GNA12: variants seen among roughly 807,000 people sequenced by gnomAD.
GNA12 encodes G protein subunit alpha 12.
A neutral mutation model predicts 26.0 loss-of-function variants in GNA12; 9 were observed. The ratio of observed to expected loss-of-function variants is 0.35; its 90% CI spans 0.21 to 0.60. The LOEUF is 0.60. Ranked by LOEUF, GNA12 falls within the 20% of genes least tolerant of loss-of-function variation. GNA12 has a pLI of 0.78. For synonymous variants in GNA12, 264 were observed against 219.6 expected (o/e 1.20, Z -1.79); for missense variants, 405 against 525.8 (o/e 0.77, Z 2.25).
intron 2 of GNA12, among the ~76,000 whole-genome samples, chr7:2,794,412 T>G (rs1792599443): frequency 6.6e-6 from 1 of 152,122 alleles, no homozygotes; most frequent in Non-Finnish European, 1.5e-5. Flanking sequence ...CCCCCCAGAT[T>G]TTCTGGTTAT....
intron 2 of GNA12, among the ~76,000 whole-genome samples, chr7:2,792,905 T>C (rs1319484987): frequency 6.6e-6 from 1 of 152,192 alleles, no homozygotes; most frequent in Non-Finnish European, 1.5e-5. Flanking sequence ...CCCTAAGATA[T>C]GTGTTAACAA....
intron 1 of GNA12, among the ~76,000 whole-genome samples, chr7:2,830,821 G>A (rs977405924): frequency 6.6e-6 from 1 of 152,078 alleles, no homozygotes; most frequent in Non-Finnish European, 1.5e-5. Flanking sequence ...GTGCACCTGT[G>A]TCCTAGCTAC....
At chr7:2,833,206 T>G (rs1778731847) in intron 1 of GNA12, among the ~76,000 whole-genome samples, 1 of 152,240 alleles carries the variant, frequency 6.6e-6, no homozygotes, top group South Asian at 2.1e-4. Flanking sequence ...AGCCGGCCTG[T>G]CATCATGGGA....
At chr7:2,788,950 G>T (rs1792435550) in intron 2 of GNA12, among the ~76,000 whole-genome samples, 1 of 151,894 alleles carries the variant, frequency 6.6e-6, no homozygotes, top group Non-Finnish European at 1.5e-5. Context: ...CTCCAGAGTA[G>T]CTGGGATTAC....
At chr7:2,734,652 G>C (rs759871817) in intron 2 of GNA12, among the ~76,000 whole-genome samples, 1 of 152,228 alleles carries the variant, frequency 6.6e-6, no homozygotes, top group Non-Finnish European at 1.5e-5. Context: ...AAGCAGAGAG[G>C]AAGCTCCTTC....
intron 1 of GNA12, chr7:2,814,225 T>C (rs1455119183): frequency 6.5e-6 from 5 of 771,956 alleles, no homozygotes; most frequent in Admixed American, 3.8e-5. Flanking sequence ...TATACATCTA[T>C]GTATCCTGTT....
intron 2 of GNA12, among the ~76,000 whole-genome samples, chr7:2,788,496 C>T (rs903375447): frequency 6.6e-6 from 1 of 152,210 alleles, no homozygotes; most frequent in Non-Finnish European, 1.5e-5. Flanking sequence ...AACTTATATT[C>T]ACAACTTAGT....
At chr7:2,841,753 C>T (rs1306339165) in intron 1 of GNA12, among the ~76,000 whole-genome samples, 1 of 152,192 alleles carries the variant, frequency 6.6e-6, no homozygotes, top group African/African-American at 2.4e-5. Flanking sequence ...GAAGGAGTCA[C>T]TTCATCTCTA....
At position 2,802,392 on chromosome 7, in the gene GNA12, T is replaced by TGG. The variant is rs200382289; in HGVS notation, c.310-7250_310-7249insCC. On this transcript the variant is annotated intron_variant, in intron 1 of 3. Transcript: ENST00000275364. ...TCTCTGCTGGGGATGTAGATTTTTT[T>TGG]TGGGGGGGTGGGGGGTGGGGTTCAA... is the stretch of plus-strand genomic sequence containing the variant. Among the ~76,000 whole-genome samples the TGG allele has an allele frequency of 5.2e-4, 50 of 95,786 alleles. 1 individual carries two copies. Among genetic ancestry groups the TGG allele is most frequent in the Middle Eastern group, 6.9e-3 (1 of 144 alleles). 62.8% of individuals were successfully genotyped at this position (95,786 alleles called of 152,430 possible). A position where few individuals can be genotyped will look rare whatever the true frequency, so the allele number is the denominator to read the frequency against.
intron 1 of GNA12, among the ~76,000 whole-genome samples, chr7:2,797,752 G>A (rs1164721986): frequency 6.6e-6 from 1 of 152,128 alleles, no homozygotes; most frequent in Non-Finnish European, 1.5e-5. Context: ...GGTTAGAGAT[G>A]CTCCCTGATT....
At chr7:2,815,283 C>G in intron 1 of GNA12, 2 of 218,732 alleles carry the variant, frequency 9.1e-6, no homozygotes, top group Admixed American at 5.5e-5. Context: ...GAAGGCGGCT[C>G]AGGAGGAGGC....
intron 2 of GNA12, among the ~76,000 whole-genome samples, chr7:2,734,811 C>T (rs569970369): frequency 1.3e-5 from 2 of 152,314 alleles, no homozygotes; most frequent in Admixed American, 6.5e-5. Flanking sequence ...TGTGGCAGGA[C>T]GGGGCGAGCA....
At position 2,732,568 on chromosome 7, in the gene GNA12, A is replaced by G. The variant is rs905474650; in HGVS notation, c.577-818T>C. On this transcript the variant is annotated intron_variant, in intron 3 of 3. Coordinates refer to ENST00000275364, the MANE Select transcript of GNA12 (RefSeq NM_007353.3). ...CTCAAAAAATCGAAAAACAAAACAG[A>G]ACAAAAAACCAACAAAACACCTCCC... Among the ~76,000 whole-genome samples the G allele has an allele frequency of 2.6e-5, 4 of 152,214 alleles. No individual in the cohort carries two copies. The South Asian group carries it at 8.3e-4, about 32-fold the overall frequency.
At chr7:2,734,402 C>T (rs1022570247) in intron 2 of GNA12, among the ~76,000 whole-genome samples, 8 of 152,254 alleles carry the variant, frequency 5.3e-5, no homozygotes, top group Middle Eastern at 3.2e-3. Flanking sequence ...GGCTTCCAGG[C>T]TGCCCTGACA....
At chr7:2,818,633 T>G (rs2527695) in intron 1 of GNA12, among the ~76,000 whole-genome samples, 63,856 of 151,600 alleles carry the variant, frequency 0.42, 13,711 homozygotes, top group Admixed American at 0.48. Flanking sequence ...CATGGTGGCG[T>G]AGCCCTGTAG....
chr7:2,799,305 C>T (rs1323010155), intron 1 of GNA12, among the ~76,000 whole-genome samples: 1 of 152,178 alleles, frequency 6.6e-6, no homozygotes, highest in Non-Finnish European at 1.5e-5. Context: ...TTAGGCCAGG[C>T]ACAGTAGCTC....
chr7:2,815,003 A>G (rs1793183459), intron 1 of GNA12: 1 of 1,538,718 alleles, frequency 6.5e-7, no homozygotes, highest in Non-Finnish European at 8.8e-7. Flanking sequence ...ATCCAGGTCT[A>G]ATCTCGCCCC....
At chr7:2,840,627 G>C (rs1319219749) in intron 1 of GNA12, among the ~76,000 whole-genome samples, 6 of 152,212 alleles carry the variant, frequency 3.9e-5, no homozygotes, top group Non-Finnish European at 8.8e-5. Context: ...GGGAGGCTGA[G>C]GCAGGTGGTT....
At position 2,782,338 on chromosome 7, in the gene GNA12, T is replaced by A. The variant is rs576719259; in HGVS notation, c.525+12590A>T. On this transcript the variant is annotated intron_variant, in intron 2 of 3. Coordinates refer to ENST00000275364, the MANE Select transcript of GNA12 (RefSeq NM_007353.3). ...CACATTTCAAACCTTCCATCAGAAA[T>A]CACATTCTTCCTGTTTCAAGTGTAG... is the stretch of plus-strand genomic sequence containing the variant. Among the ~76,000 whole-genome samples the A allele has an allele frequency of 3.4e-4, 52 of 152,338 alleles. 1 individual carries two copies. Among genetic ancestry groups the A allele is most frequent in the African/African-American group, 1.2e-3 (49 of 41,576 alleles).
Sources: gnomAD v4.1 joint callset for allele counts (sites outside exome capture counted in the v4.1 genomes callset) on GRCh38, gnomAD v4.1.1 for gene constraint, MANE v1.5 for transcripts, NCBI Gene and HGNC (gene_info 2026-07-23, HGNC 2026-07-21) for gene names.